The following PHLDB1 variants were observed in gnomAD, a reference collection of about 807,000 sequenced individuals.
The protein encoded by PHLDB1 is pleckstrin homology-like domain family B member 1.
PHLDB1 carries 65 observed loss-of-function variants against 139.3 expected under a neutral mutation model. That is an observed-to-expected ratio of 0.47 (90% CI 0.38 to 0.57). The LOEUF (loss-of-function observed/expected upper bound fraction) is 0.57. Among genes scored for constraint, PHLDB1 ranks in the 20% least tolerant of loss-of-function variants. PHLDB1 has a pLI of 0.00. For synonymous variants in PHLDB1, 679 were observed against 734.5 expected, an observed-to-expected ratio of 0.92 and a Z score of 1.22; for missense variants, 1,624 against 1,839.7, an observed-to-expected ratio of 0.88 and a Z score of 2.14.
rs1555089434 is a variant in PHLDB1 at position 118,616,224 on chromosome 11, A to T, written c.355+13A>T. 2 of 1,611,646 alleles carry T rather than the reference A, an allele frequency of 1.2e-6. No individual in the cohort carries two copies. The highest frequency in any genetic ancestry group is 1.7e-6 in the Non-Finnish European group (2 of 1,178,732). On this transcript the variant is annotated intron_variant, in intron 4 of 22. Coordinates refer to ENST00000600882, the MANE Select transcript of PHLDB1 (RefSeq NM_001144758.3). ...CGGCTCACTCAGGGTAAGGCTGGAC[A>T]CCTCCAGATGGAGGGGGCCTCTGTT...
At chr11:118,617,462 C>T (rs183344362) in intron 4 of PHLDB1, among the ~76,000 whole-genome samples, 290 of 152,132 alleles carry the variant, frequency 1.9e-3, no homozygotes, top group Non-Finnish European at 3.3e-3. Context: ...GGAGACCTGA[C>T]ATTTCCCCCG....
intron 10 of PHLDB1, 139 bp from the exon 11 acceptor site, chr11:118,638,752 G>A (rs1946044264): frequency 3.1e-6 from 2 of 646,134 alleles, no homozygotes; most frequent in Non-Finnish European, 2.7e-6. Context: ...TTTTCTTAGG[G>A]TGAGTTGAGG....
chr11:118,614,619 C>T lies in PHLDB1; in HGVS notation c.121C>T (p.His41Tyr), dbSNP rs1555087155. The T allele has an allele frequency of 6.2e-7, 1 of 1,614,050 alleles. No homozygotes were observed. Among genetic ancestry groups the T allele is most frequent in the South Asian group, 1.1e-5 (1 of 91,066 alleles). Residue 41 changes from histidine (H) to tyrosine (Y), a missense_variant, in exon 3 of 23, where the codon CAC (histidine) becomes TAC (tyrosine). Physicochemically the swap from His to Tyr is moderately conservative, Grantham distance 83. Coordinates refer to ENST00000600882, the MANE Select transcript of PHLDB1 (RefSeq NM_001144758.3). ...GCTGAAAGTGCAAACGGACAAACCC[C>T]ACCTGGTGAGCCTGGGCAGTGGGCG... ...KGLKVQTDKP[H>Y]LVSLGSGRLS...
chr11:118,632,144 G>A lies in PHLDB1; in HGVS notation c.2242-15G>A. On this transcript the variant is annotated splice_polypyrimidine_tract_variant and intron_variant, in intron 8 of 22. Coordinates refer to ENST00000600882, the MANE Select transcript of PHLDB1 (RefSeq NM_001144758.3). The surrounding 1 kb of genome is among the most constrained non-coding windows in gnomAD (Gnocchi z 5.9). ...AGTCAGCTGCTTTGATGGGGACCCT[G>A]GTGTCTGCCCCCAGGCCGAAATGGA... 6.2e-7 allele frequency: 1 copy of A among 1,614,000 alleles called. No individual in the cohort carries two copies. Among genetic ancestry groups the A allele is most frequent in the Non-Finnish European group, 8.5e-7 (1 of 1,179,918 alleles).
rs782785691 is a variant in PHLDB1, at chr11:118,628,301, G to A, written c.1478G>A (p.Arg493Gln). 9 of 1,613,704 alleles carry A rather than the reference G, an allele frequency of 5.6e-6. No homozygotes were observed. Among genetic ancestry groups the A allele is most frequent in the African/African-American group, 2.7e-5 (2 of 74,926 alleles). The stretch of plus-strand genomic sequence containing the variant: ...GAAGTGGCAGAGAGTCCTCGGCCCC[G>A]GCGCTGGGCAGCCCATGGGGCTTCA... ...NREVAESPRP[R>Q]RWAAHGASPE... Residue 493 changes from arginine to glutamine, a missense_variant, in exon 6 of 23, where the codon CGG becomes CAG. Arg to Gln is a conservative substitution (Grantham distance 43). Coordinates refer to ENST00000600882, the MANE Select transcript of PHLDB1 (RefSeq NM_001144758.3).
At chr11:118,614,429 G>A (rs1476551218) in intron 2 of PHLDB1, 130 bp from the exon 3 acceptor site, 10 of 911,074 alleles carry the variant, frequency 1.1e-5, no homozygotes, top group Non-Finnish European at 1.7e-5. Context: ...AAGATTTTGT[G>A]CTAAGCCTTT....
chr11:118,619,060 A>G (rs1481988204), intron 4 of PHLDB1, among the ~76,000 whole-genome samples: 1 of 152,074 alleles, frequency 6.6e-6, no homozygotes, highest in Non-Finnish European at 1.5e-5. Context: ...CCTCTTCTCT[A>G]CAGAGCAAGG....
In PHLDB1 at chr11:118,614,587, G is replaced by A. The variant is rs1555087068; in HGVS notation, c.89G>A (p.Gly30Asp). Residue 30 changes from glycine (G) to aspartate (D), a missense_variant, in exon 3 of 23, where the codon GGC becomes GAC. Coordinates refer to ENST00000600882, the MANE Select transcript of PHLDB1 (RefSeq NM_001144758.3). ...GGACCCTTGGACCTGATCGAGACAG[G>A]CAAAGGGCTGAAAGTGCAAACGGAC... ...QKGPLDLIET[G>D]KGLKVQTDKP... 1.2e-6 allele frequency: 2 copies of A among 1,613,962 alleles called. No individual in the cohort carries two copies. Among genetic ancestry groups the A allele is most frequent in the East Asian group, 2.2e-5 (1 of 44,868 alleles).
intron 12 of PHLDB1, chr11:118,640,489 GC>G (rs1192537006): frequency 3.3e-5 from 5 of 152,204 alleles, no homozygotes; most frequent in Admixed American, 6.5e-5. Context: ...GAATGTGTTG[GC>G]ATCTTTCCAA....
chr11:118,638,532 A>G (rs1277299842), intron 10 of PHLDB1, among the ~76,000 whole-genome samples: 1 of 152,202 alleles, frequency 6.6e-6, no homozygotes, highest in Non-Finnish European at 1.5e-5. Context: ...GGTCCAGACC[A>G]GGGAAGCAGA....
intron 10 of PHLDB1, 108 bp downstream of exon 10, chr11:118,635,656 T>A: frequency 9.9e-7 from 1 of 1,012,160 alleles, no homozygotes; most frequent in Non-Finnish European, 1.4e-6. Context: ...CTGGATTTCC[T>A]TGTCTGTAAA....
At position 118,611,827 on chromosome 11, in the gene PHLDB1, A is replaced by T. The variant is rs1555084214; in HGVS notation, c.-21-1989A>T. On this transcript the variant is annotated intron_variant, in intron 1 of 22. Transcript: ENST00000600882. The surrounding 1 kb of genome is among the most constrained non-coding windows in gnomAD (Gnocchi z 4.7). ...GAGTGAAACTCCGTCTCAAAAAAAA[A>T]AAAAAAATAATAATAATAATAATAA... Among the ~76,000 whole-genome samples the T allele has an allele frequency of 1.4e-5, 2 of 141,600 alleles. No individual in the cohort carries two copies. Among genetic ancestry groups the T allele is most frequent in the African/African-American group, 2.5e-5 (1 of 39,588 alleles). 92.9% of individuals were successfully genotyped at this position (141,600 alleles called of 152,430 possible).
rs1200457801 is a variant in PHLDB1 at position 118,608,510 on chromosome 11, G to A, written c.-22+811G>A. On this transcript the variant is annotated intron_variant, in intron 1 of 22. Coordinates refer to ENST00000600882, the MANE Select transcript of PHLDB1 (RefSeq NM_001144758.3). This position sits in a 1 kb window ranked among gnomAD's most constrained non-coding sequence, Gnocchi z 6.7. ...AGCGCTTCCGCCGAGGCAGGCTCGA[G>A]TGGGGACTTGGCCGGGCGACCGCAC... Among the ~76,000 whole-genome samples the A allele has an allele frequency of 1.3e-5, 2 of 152,160 alleles. No individual in the cohort carries two copies. The highest frequency in any genetic ancestry group is 1.5e-5 in the Non-Finnish European group (1 of 67,990).
At position 118,645,650 on chromosome 11, in the gene PHLDB1, G is replaced by C; in HGVS notation, c.3416G>C (p.Ser1139Thr). Reference protein sequence around the residue: ...NSACSPDNMSSASGLDMGKIE... With the variant: ...NSACSPDNMSTASGLDMGKIE... Reference sequence around the variant, plus strand: ...GCCTGCTCCCCTGACAACATGTCCAGGTACACCCGACGCCTGGGCCCGCAG... The same window carrying C: ...GCCTGCTCCCCTGACAACATGTCCACGTACACCCGACGCCTGGGCCCGCAG... The change falls in exon 16 of 23, where the codon AGC (serine) becomes ACC (threonine). Residue 1139 changes from serine (S) to threonine (T), a missense_variant and splice_region_variant. Ser to Thr is a moderately conservative substitution (Grantham distance 58, BLOSUM62 1). Transcript: ENST00000600882. This position sits in a 1 kb window ranked among gnomAD's most constrained non-coding sequence, Gnocchi z 5.1. 6.2e-7 allele frequency: 1 copy of C among 1,613,600 alleles called. No individual in the cohort carries two copies. The highest frequency in any genetic ancestry group is 8.5e-7 in the Non-Finnish European group (1 of 1,179,664).
At chr11:118,628,768 C>T in intron 6 of PHLDB1, 118 bp downstream of exon 6, 1 of 879,418 alleles carries the variant, frequency 1.1e-6, no homozygotes, top group Non-Finnish European at 1.7e-6. Flanking sequence ...TCTCAAGGTT[C>T]CCCACCTCCA....
chr11:118,631,110 C>T, intron 6 of PHLDB1, 97 bp from the exon 7 acceptor site: 1 of 1,131,794 alleles, frequency 8.8e-7, no homozygotes, highest in East Asian at 2.9e-5. Flanking sequence ...CCCCCTGTAA[C>T]CCTGCTCTCC....
chr11:118,647,022 A>G (rs1340625356), intron 17 of PHLDB1: 2 of 152,250 alleles, frequency 1.3e-5, no homozygotes, highest in African/African-American at 2.4e-5. Flanking sequence ...TAAGACATAT[A>G]AAGCATCACT....
chr11:118,648,065 C>G lies in PHLDB1; in HGVS notation c.3643C>G (p.Gln1215Glu). The G allele has an allele frequency of 6.2e-7, 1 of 1,613,366 alleles. No homozygotes were observed. Residue 1215 changes from glutamine to glutamate, a missense_variant, in exon 18 of 23, where the codon CAA becomes GAA. Gln to Glu is a conservative substitution (Grantham distance 29). Transcript: ENST00000600882. ...VEKEVKMREK[Q>E]FSQARPLTRY... ...GAAGGAGGTCAAGATGCGGGAGAAA[C>G]AATTTTCCCAGGTGAATGGGCAGTG...
chr11:118,632,204 C>T lies in PHLDB1; in HGVS notation c.2287C>T (p.Arg763Trp), dbSNP rs782303371. 9.3e-6 allele frequency: 15 copies of T among 1,613,950 alleles called. No homozygotes were observed. Among genetic ancestry groups the T allele is most frequent in the Admixed American group, 3.3e-5 (2 of 60,002 alleles). ...GCTGCAGGGAGAGAGGGAGGCAGAG[C>T]GGGCACTGCTGCAGAAGGAGCAGAA... is the stretch of plus-strand genomic sequence containing the variant. ...ALLQGEREAE[R>W]ALLQKEQKAV... Residue 763 changes from arginine (R) to tryptophan (W), a missense_variant, in exon 9 of 23, where the codon CGG becomes TGG. Arg to Trp is a moderately radical substitution (Grantham distance 101). Coordinates refer to ENST00000600882, the MANE Select transcript of PHLDB1 (RefSeq NM_001144758.3). This position sits in a 1 kb window ranked among gnomAD's most constrained non-coding sequence, Gnocchi z 5.9.
Sources: gnomAD v4.1 joint callset for allele counts (sites outside exome capture counted in the v4.1 genomes callset) on GRCh38, gnomAD v4.1.1 for gene constraint, Gnocchi (gnomAD v3.1) non-coding constraint, MANE v1.5 for transcripts, NCBI Gene and HGNC (gene_info 2026-07-23, HGNC 2026-07-21) for gene names.